The following SH3KBP1 variants were observed in gnomAD, a reference collection of about 807,000 sequenced individuals.
The protein encoded by SH3KBP1 is SH3 domain-containing kinase-binding protein 1.
A neutral mutation model predicts 50.1 loss-of-function variants in SH3KBP1; 8 were observed. The observed-to-expected ratio is 0.16, with a 90% CI of 0.09 to 0.29. The LOEUF is 0.29. Ranked by LOEUF, SH3KBP1 falls within the 10% of genes least tolerant of loss-of-function variation. The pLI is 1.00. For synonymous variants in SH3KBP1, 227 were observed against 218.6 expected, an observed-to-expected ratio of 1.04 and a Z score of -0.34; for missense variants, 377 against 535.2, an observed-to-expected ratio of 0.70 and a Z score of 2.92.
At chrX:19,744,352 A>T (rs987181502) in intron 3 of SH3KBP1, among the ~76,000 whole-genome samples, 4 of 112,054 alleles carry the variant, frequency 3.6e-5, no homozygotes, top group Non-Finnish European at 7.5e-5. Flanking sequence ...ATCTGGCCTG[A>T]CAAGGCCAAT....
intron 6 of SH3KBP1, among the ~76,000 whole-genome samples, chrX:19,652,653 T>A (rs1293548745): frequency 8.9e-6 from 1 of 112,493 alleles, no homozygotes; most frequent in Non-Finnish European, 1.9e-5. Context: ...GTCCTTCAGT[T>A]ACTGTTTAAC....
intron 1 of SH3KBP1, among the ~76,000 whole-genome samples, chrX:19,857,593 G>T (rs2068679945): frequency 9.0e-6 from 1 of 110,631 alleles, no homozygotes; most frequent in African/African-American, 3.3e-5. Context: ...ATGGTGGCAT[G>T]CGCCTATAAT....
At chrX:19,741,624 G>A (rs769818549) in intron 3 of SH3KBP1, among the ~76,000 whole-genome samples, 2 of 111,938 alleles carry the variant, frequency 1.8e-5, no homozygotes, top group Non-Finnish European at 3.8e-5. Context: ...AGAAACCCAC[G>A]GAGTGGCTTC....
intron 2 of SH3KBP1, among the ~76,000 whole-genome samples, chrX:19,798,307 G>A (rs772388486): frequency 5.5e-5 from 6 of 109,620 alleles, no homozygotes; most frequent in African/African-American, 1.7e-4. Context: ...GGCTGGTCTC[G>A]AACTCCTGGG....
At chrX:19,719,776 C>A (rs1176353081) in intron 3 of SH3KBP1, among the ~76,000 whole-genome samples, 2 of 107,945 alleles carry the variant, frequency 1.9e-5, no homozygotes, top group Non-Finnish European at 3.8e-5. Context: ...CTTTGGGAGG[C>A]TGAGGCAGGA....
chrX:19,809,600 A>G (rs948348157), intron 2 of SH3KBP1, among the ~76,000 whole-genome samples: 32 of 112,712 alleles, frequency 2.8e-4, no homozygotes, highest in African/African-American at 1.0e-3. Context: ...GTTCTAAAAG[A>G]AAACAAATGT....
chrX:19,569,439 A>T (rs2065941413), intron 12 of SH3KBP1, among the ~76,000 whole-genome samples: 1 of 112,246 alleles, frequency 8.9e-6, no homozygotes, highest in Non-Finnish European at 1.9e-5. Flanking sequence ...CTGTTCGCCC[A>T]TGTACTTCCA....
Position 19,760,627 on chromosome X carries a change from A to G in SH3KBP1, c.163-14186T>C, listed in dbSNP as rs746973675. Among the ~76,000 whole-genome samples the G allele has an allele frequency of 2.8e-4, 31 of 110,493 alleles. No homozygotes were observed. The South Asian group carries it at 0.01, about 37-fold the overall frequency. ...TCCAGTAAGGAGCAGCTAGATTAGG[A>G]AAGGCATCAGCCTGGCCCAAGCAGC... On this transcript the variant is annotated intron_variant, in intron 2 of 17. Transcript: ENST00000397821.
intron 12 of SH3KBP1, among the ~76,000 whole-genome samples, chrX:19,569,807 G>C (rs531370177): frequency 7.7e-4 from 86 of 111,320 alleles, no homozygotes; most frequent in African/African-American, 2.7e-3. Flanking sequence ...CAGCTCTATG[G>C]GATGGGAACA....
chrX:19,867,420 G>A (rs181533965), intron 1 of SH3KBP1, among the ~76,000 whole-genome samples: 2 of 111,890 alleles, frequency 1.8e-5, no homozygotes, highest in African/African-American at 3.3e-5. Flanking sequence ...GATGTCTCAC[G>A]AACCCCCCTC....
At position 19,549,992 on chromosome X, in the gene SH3KBP1, C is replaced by T. The variant is rs766947821; in HGVS notation, c.1476G>A (p.Pro492=). ...SRPKATGRRP[P]SQSLTSSSLS... ...CACTTACAGATGTGAGGGACTGGGA[C>T]GGAGGCCGCCTCCCTGTAGCTTTTG... The change falls in exon 14 of 18, where the codon CCG becomes CCA. Residue 492 remains proline (P), a synonymous_variant. Transcript: ENST00000397821. The T allele has an allele frequency of 3.8e-5, 46 of 1,202,542 alleles. No individual in the cohort carries two copies. Among genetic ancestry groups the T allele is most frequent in the Non-Finnish European group, 4.6e-5 (41 of 888,950 alleles).
chrX:19,773,693 A>G (rs1349043355), intron 2 of SH3KBP1, among the ~76,000 whole-genome samples: 1 of 106,870 alleles, frequency 9.4e-6, no homozygotes, highest in Non-Finnish European at 1.9e-5. Context: ...CATCTCTACT[A>G]AAAATACAAA....
At chrX:19,738,242 C>G (rs1268555577) in intron 3 of SH3KBP1, among the ~76,000 whole-genome samples, 1 of 111,142 alleles carries the variant, frequency 9.0e-6, no homozygotes, top group African/African-American at 3.3e-5. Flanking sequence ...TGAAATTTGA[C>G]GAGAGAGGCA....
At chrX:19,592,181 GT>G in intron 10 of SH3KBP1, 34 bp from the exon 11 acceptor site, 1 of 1,065,890 alleles carries the variant, frequency 9.4e-7, no homozygotes. Context: ...ATCACAAAAT[GT>G]TTTCTGTACT....
At chrX:19,868,343 T>C (rs2068963073) in intron 1 of SH3KBP1, among the ~76,000 whole-genome samples, 3 of 111,475 alleles carry the variant, frequency 2.7e-5, no homozygotes, top group Non-Finnish European at 1.9e-5. Flanking sequence ...GACTGATGGA[T>C]GAAATTGTCA....
At chrX:19,644,044 T>C (rs950570416) in intron 7 of SH3KBP1, among the ~76,000 whole-genome samples, 7 of 111,850 alleles carry the variant, frequency 6.3e-5, no homozygotes, top group African/African-American at 2.3e-4. Flanking sequence ...ATAGACGCTT[T>C]TAGGACTGAA....
intron 2 of SH3KBP1, among the ~76,000 whole-genome samples, chrX:19,834,436 C>T (rs1439645775): frequency 8.9e-6 from 1 of 112,307 alleles, no homozygotes; most frequent in African/African-American, 3.2e-5. Context: ...ACCCATTCTT[C>T]TGAGAACAAT....
At chrX:19,751,458 T>C (rs768065046) in intron 2 of SH3KBP1, among the ~76,000 whole-genome samples, 6 of 111,768 alleles carry the variant, frequency 5.4e-5, no homozygotes, top group African/African-American at 2.0e-4. Context: ...TGAGGGCTCA[T>C]GGAAATGCAT....
At chrX:19,823,644 T>C (rs1211119579) in intron 2 of SH3KBP1, among the ~76,000 whole-genome samples, 1 of 112,115 alleles carries the variant, frequency 8.9e-6, no homozygotes, top group Non-Finnish European at 1.9e-5. Context: ...AATTGTGCCA[T>C]ATAACATAAC....
Sources: allele counts gnomAD v4.1 joint callset (sites outside exome capture counted in the v4.1 genomes callset), GRCh38; gene constraint gnomAD v4.1.1; transcripts MANE v1.5; gene names NCBI Gene and HGNC (gene_info 2026-07-23, HGNC 2026-07-21).